PALLD: variants seen among roughly 807,000 people sequenced by gnomAD.
The protein encoded by PALLD is palladin, cytoskeletal associated protein, also known as palladin.
In PALLD, 61 loss-of-function variants were observed where a neutral mutation model predicts 123.5. The observed-to-expected ratio is 0.49, with a 90% confidence interval of 0.40 to 0.61. The LOEUF (loss-of-function observed/expected upper bound fraction) is 0.61. Among genes scored for constraint, PALLD ranks in the 20% least tolerant of loss-of-function variants. The pLI, the probability that PALLD is intolerant of heterozygous loss-of-function variation, is 0.00. For missense variants in PALLD, 1,273 were observed against 1,377.0 expected, an observed-to-expected ratio of 0.92 and a Z score of 1.20; for synonymous variants, 465 against 496.4, an observed-to-expected ratio of 0.94 and a Z score of 0.84.
chr4:168,760,373 C>A (rs1421860873), intron 10 of PALLD, among the ~76,000 whole-genome samples: 1 of 152,172 alleles, frequency 6.6e-6, no homozygotes, highest in Non-Finnish European at 1.5e-5. Context: ...ACTGTGACTA[C>A]CTCCTTTTGG....
chr4:168,898,226 C>T lies in PALLD; in HGVS notation c.2251-267C>T, dbSNP rs143614949. The T allele has an allele frequency of 4.6e-3, 2,257 of 489,348 alleles. 13 individuals are homozygous for T. The highest frequency in any genetic ancestry group is 4.8e-3 in the Admixed American group (147 of 30,368). The allele number at this position is 489,348 out of a possible 1,614,324, so 30.3% of individuals were successfully genotyped here. ...TTCTTTCCTTCCCCTTGTTTCCCCTCGCCTCAGAGAAAAGAAGGAAAAAAA... is the reference window on the plus strand; with the variant it reads ...TTCTTTCCTTCCCCTTGTTTCCCCTTGCCTCAGAGAAAAGAAGGAAAAAAA... On this transcript the variant is annotated intron_variant, in intron 13 of 21. Coordinates refer to ENST00000505667, the MANE Select transcript of PALLD (RefSeq NM_001166108.2).
At chr4:168,817,762 C>T (rs1742184214) in intron 10 of PALLD, among the ~76,000 whole-genome samples, 1 of 152,108 alleles carries the variant, frequency 6.6e-6, no homozygotes, top group Non-Finnish European at 1.5e-5. Context: ...TTCTATTAAC[C>T]AAGAAATCAA....
intron 10 of PALLD, among the ~76,000 whole-genome samples, chr4:168,781,073 C>T (rs1184886847): frequency 1.3e-5 from 2 of 152,240 alleles, no homozygotes; most frequent in South Asian, 2.1e-4. Flanking sequence ...CAACAGAATA[C>T]TTCCCTGAAA....
intron 10 of PALLD, among the ~76,000 whole-genome samples, chr4:168,713,083 C>G (rs572242078): frequency 1.3e-5 from 2 of 152,258 alleles, no homozygotes; most frequent in African/African-American, 4.8e-5. Flanking sequence ...GACTTCTGGA[C>G]AATCTTGGGT....
intron 10 of PALLD, among the ~76,000 whole-genome samples, chr4:168,722,320 A>G (rs2150266477): frequency 6.6e-6 from 1 of 152,346 alleles, no homozygotes; most frequent in East Asian, 1.9e-4. Flanking sequence ...GACGTGAGCC[A>G]CCACACCTGG....
chr4:168,668,743 G>A (rs943422708), intron 3 of PALLD, among the ~76,000 whole-genome samples: 2 of 152,170 alleles, frequency 1.3e-5, no homozygotes, highest in Non-Finnish European at 2.9e-5. Context: ...AGAATTTTAA[G>A]TGATTGAATA....
intron 2 of PALLD, among the ~76,000 whole-genome samples, chr4:168,625,402 T>C (rs1475481574): frequency 7.4e-6 from 1 of 136,020 alleles, no homozygotes; most frequent in Non-Finnish European, 1.7e-5. Flanking sequence ...TAAAAACTTC[T>C]GTGTATCAAA....
intron 10 of PALLD, among the ~76,000 whole-genome samples, chr4:168,794,485 CACAT>C (rs1318655936): frequency 2.1e-5 from 3 of 146,298 alleles, no homozygotes; most frequent in African/African-American, 7.8e-5. Context: ...CACGCACACA[CACAT>C]GCACGCACAC....
chr4:168,899,682 C>T (rs1033186670), intron 14 of PALLD, among the ~76,000 whole-genome samples: 1 of 151,966 alleles, frequency 6.6e-6, no homozygotes, highest in African/African-American at 2.4e-5. Flanking sequence ...TTTGCGAGGC[C>T]GAGATGGGTG....
chr4:168,849,471 G>A (rs1301262439), intron 10 of PALLD, among the ~76,000 whole-genome samples: 1 of 152,162 alleles, frequency 6.6e-6, no homozygotes, highest in Admixed American at 6.5e-5. Flanking sequence ...GTATATTTTG[G>A]CACTGAAACT....
At chr4:168,603,086 G>A (rs2149732826) in intron 2 of PALLD, among the ~76,000 whole-genome samples, 1 of 152,230 alleles carries the variant, frequency 6.6e-6, no homozygotes, top group Admixed American at 6.5e-5. Context: ...TTAAAACTAT[G>A]CAGTGATACC....
At chr4:168,552,974 A>T (rs1766891134) in intron 2 of PALLD, among the ~76,000 whole-genome samples, 1 of 152,106 alleles carries the variant, frequency 6.6e-6, no homozygotes, top group Non-Finnish European at 1.5e-5. Context: ...CCACGCCCAG[A>T]CAATATGTGT....
intron 10 of PALLD, among the ~76,000 whole-genome samples, chr4:168,783,651 A>T (rs1341268997): frequency 6.6e-6 from 1 of 152,226 alleles, no homozygotes; most frequent in Non-Finnish European, 1.5e-5. Flanking sequence ...TAGGGCTGTC[A>T]TGAAAATTTA....
Position 168,511,556 on chromosome 4 carries a change from C to T in PALLD, c.52C>T (p.Gln18Ter). Reference protein sequence around the residue: ...ESFYDSLSDMQEESKNTDFFP... With the variant: ...ESFYDSLSDM ...CTTCTATGACTCCCTCTCAGACATG[C>T]AGGAAGAAAGCAAGAATACTGACTT... Residue 18 changes from glutamine (Q) to a stop codon, truncating the protein, a stop_gained, in exon 2 of 22, where the codon CAG (glutamine) becomes TAG (stop). Coordinates refer to ENST00000505667, the MANE Select transcript of PALLD (RefSeq NM_001166108.2). LOFTEE classifies it high-confidence loss of function. The T allele has an allele frequency of 6.2e-7, 1 of 1,614,060 alleles. No individual in the cohort carries two copies. The highest frequency in any genetic ancestry group is 1.7e-4 in the Middle Eastern group (1 of 6,048).
intron 15 of PALLD, among the ~76,000 whole-genome samples, chr4:168,912,765 C>A (rs1759247813): frequency 6.6e-6 from 1 of 152,100 alleles, no homozygotes; most frequent in Non-Finnish European, 1.5e-5. Context: ...TATGAAAATA[C>A]ACAATAAATT....
At chr4:168,543,085 G>C (rs1034387153) in intron 2 of PALLD, among the ~76,000 whole-genome samples, 1 of 151,994 alleles carries the variant, frequency 6.6e-6, no homozygotes, top group Non-Finnish European at 1.5e-5. Context: ...TTATGAGAAA[G>C]TATAGCACAG....
intron 10 of PALLD, among the ~76,000 whole-genome samples, chr4:168,712,865 C>G (rs549865630): frequency 3.3e-5 from 5 of 152,266 alleles, no homozygotes; most frequent in African/African-American, 9.6e-5. Flanking sequence ...CTAGCATTGA[C>G]TAGCCTACTC....
chr4:168,498,834 C>T (rs1163081311), intron 1 of PALLD, among the ~76,000 whole-genome samples: 2 of 152,048 alleles, frequency 1.3e-5, no homozygotes, highest in African/African-American at 2.4e-5. Context: ...GAAGTAAAAT[C>T]TAAATATTTG....
intron 1 of PALLD, among the ~76,000 whole-genome samples, chr4:168,499,124 C>A (rs1331065048): frequency 4.4e-5 from 4 of 91,628 alleles, no homozygotes; most frequent in African/African-American, 1.8e-4. Flanking sequence ...CTGCATCAAA[C>A]ATAAAATTTC....
Sources: allele counts gnomAD v4.1 joint callset (sites outside exome capture counted in the v4.1 genomes callset), GRCh38; gene constraint gnomAD v4.1.1; transcripts MANE v1.5; gene names NCBI Gene and HGNC (gene_info 2026-07-23, HGNC 2026-07-21).